Variants in PEX14 observed in about 807,000 individuals in gnomAD.
The protein encoded by PEX14 is peroxisomal biogenesis factor 14.
A neutral mutation model predicts 49.5 loss-of-function variants in PEX14; 15 were observed. The ratio of observed to expected loss-of-function variants is 0.30; its 90% CI spans 0.20 to 0.47. PEX14 has a LOEUF of 0.47. PEX14 is among the 20% of genes least tolerant of loss of function. PEX14 has a pLI of 1.00. For synonymous variants in PEX14, 210 were observed against 212.7 expected (o/e 0.99, Z 0.11); for missense variants, 398 against 494.8 (o/e 0.80, Z 1.86).
At chr1:10,555,642 AGTGTGTGTGT>A (rs56824548) in intron 3 of PEX14, among the ~76,000 whole-genome samples, 2 of 149,372 alleles carry the variant, frequency 1.3e-5, no homozygotes, top group Middle Eastern at 3.2e-3. Context: ...GCAAGGTGTG[AGTGTGTGTGT>A]GTGTGTGTGT....
At chr1:10,554,750 G>A (rs937602923) in intron 3 of PEX14, among the ~76,000 whole-genome samples, 6 of 151,068 alleles carry the variant, frequency 4.0e-5, no homozygotes, top group African/African-American at 1.5e-4. Flanking sequence ...GCCTCACACT[G>A]TCACCCAGGC....
chr1:10,557,618 A>G (rs559463308), intron 3 of PEX14, among the ~76,000 whole-genome samples: 1 of 152,304 alleles, frequency 6.6e-6, no homozygotes, highest in South Asian at 2.1e-4. Flanking sequence ...CAGAGCTGCT[A>G]ATCCTAGGTT....
intron 3 of PEX14, among the ~76,000 whole-genome samples, chr1:10,568,323 T>TCCC (rs58295618): frequency 2.5e-5 from 3 of 118,714 alleles, no homozygotes; most frequent in African/African-American, 7.6e-5. Flanking sequence ...TAGATACTCT[T>TCCC]CCCCCCCCCC....
At chr1:10,558,736 C>CAAA (rs34343338) in intron 3 of PEX14, among the ~76,000 whole-genome samples, 4,740 of 113,046 alleles carry the variant, frequency 0.042, 181 homozygotes, top group African/African-American at 0.11. Context: ...GACCCTGTCT[C>CAAA]AAAAAAAAAA....
Position 10,623,197 on chromosome 1 carries a change from CCTCT to C in PEX14, c.487+77_487+80del, listed in dbSNP as rs1417411196. 1.1e-5 allele frequency: 10 copies of C among 889,980 alleles called. No homozygotes were observed. The highest frequency in any genetic ancestry group is 3.3e-5 in the African/African-American group (2 of 61,192). 55.1% of individuals were successfully genotyped at this position (889,980 alleles called of 1,614,324 possible). On this transcript the variant is annotated intron_variant, in intron 6 of 8. Coordinates refer to ENST00000356607, the MANE Select transcript of PEX14 (RefSeq NM_004565.3). This position sits in a 1 kb window ranked among gnomAD's most constrained non-coding sequence, Gnocchi z 4.4. The stretch of plus-strand genomic sequence containing the variant: ...GCCCCTTCTCTGCCCCTCCCCTCTC[CCTCT>C]GTCTCCACTCTATGTGGTGACTTCA...
intron 3 of PEX14, among the ~76,000 whole-genome samples, chr1:10,571,250 A>C (rs896593740): frequency 4.0e-5 from 6 of 151,700 alleles, no homozygotes; most frequent in African/African-American, 7.3e-5. Context: ...TATGTTCCAG[A>C]TATTAACACC....
chr1:10,493,061 GAC>G (rs1382140240), intron 1 of PEX14, among the ~76,000 whole-genome samples: 3 of 152,182 alleles, frequency 2.0e-5, no homozygotes, highest in Non-Finnish European at 4.4e-5. Flanking sequence ...AAGGCGCAGT[GAC>G]AGAGAAAGCA....
chr1:10,475,028 G>A, intron 1 of PEX14, 26 bp downstream of exon 1: 1 of 1,599,542 alleles, frequency 6.3e-7, no homozygotes. Flanking sequence ...CTGCCCCGCT[G>A]TGCGGCGGAG....
At chr1:10,591,635 C>CTGTATGTG (rs1553194176) in intron 3 of PEX14, among the ~76,000 whole-genome samples, 3 of 139,648 alleles carry the variant, frequency 2.1e-5, no homozygotes, top group African/African-American at 8.1e-5. Flanking sequence ...GGTATACACA[C>CTGTATGTG]TGTGTGTGTG....
intron 3 of PEX14, among the ~76,000 whole-genome samples, chr1:10,551,585 C>T (rs770880096): frequency 1.3e-5 from 2 of 152,106 alleles, no homozygotes; most frequent in Non-Finnish European, 2.9e-5. Context: ...CATAATTACT[C>T]TGTTTGTTTT....
intron 3 of PEX14, among the ~76,000 whole-genome samples, chr1:10,558,828 G>T (rs905388566): frequency 7.2e-5 from 11 of 152,062 alleles, no homozygotes; most frequent in African/African-American, 2.7e-4. Flanking sequence ...CGGATGTGGG[G>T]TATCTTTCAA....
At chr1:10,499,985 G>A (rs948099320) in intron 2 of PEX14, among the ~76,000 whole-genome samples, 3 of 152,006 alleles carry the variant, frequency 2.0e-5, no homozygotes, top group Non-Finnish European at 4.4e-5. Context: ...TCTCAGTCCT[G>A]GGGAAGCTCA....
chr1:10,561,446 C>T (rs889881130), intron 3 of PEX14, among the ~76,000 whole-genome samples: 6 of 152,180 alleles, frequency 3.9e-5, no homozygotes, highest in Admixed American at 1.3e-4. Flanking sequence ...CTGCATTTGT[C>T]TCATTGTTTC....
chr1:10,585,608 G>A (rs184421414), intron 3 of PEX14, among the ~76,000 whole-genome samples: 2 of 152,346 alleles, frequency 1.3e-5, no homozygotes, highest in East Asian at 3.9e-4. Flanking sequence ...AGTAATACCA[G>A]ACAAGGTGGT....
At chr1:10,567,785 G>C (rs907921140) in intron 3 of PEX14, among the ~76,000 whole-genome samples, 4 of 152,112 alleles carry the variant, frequency 2.6e-5, no homozygotes, top group Non-Finnish European at 5.9e-5. Context: ...GTGAGCCACT[G>C]TACCTGGCCT....
At chr1:10,508,987 A>T (rs1268398086) in intron 2 of PEX14, among the ~76,000 whole-genome samples, 1 of 151,360 alleles carries the variant, frequency 6.6e-6, no homozygotes, top group Non-Finnish European at 1.5e-5. Context: ...CCCAGGCTAG[A>T]GTGCAGTGGT....
At chr1:10,610,766 T>C (rs1641257897) in intron 4 of PEX14, among the ~76,000 whole-genome samples, 1 of 152,180 alleles carries the variant, frequency 6.6e-6, no homozygotes, top group Non-Finnish European at 1.5e-5. Context: ...GTGCTGGGAT[T>C]ACAGGCATGA....
At chr1:10,612,370 G>A (rs915087116) in intron 4 of PEX14, among the ~76,000 whole-genome samples, 2 of 151,880 alleles carry the variant, frequency 1.3e-5, no homozygotes, top group African/African-American at 4.8e-5. Context: ...TTAATCTATG[G>A]ACAGGGGATA....
At chr1:10,568,840 A>G (rs970506149) in intron 3 of PEX14, among the ~76,000 whole-genome samples, 10 of 152,088 alleles carry the variant, frequency 6.6e-5, no homozygotes, top group Non-Finnish European at 1.3e-4. Context: ...CCTGGGTTCA[A>G]GTGATTCTCA....
Sources: allele counts gnomAD v4.1 joint callset (sites outside exome capture counted in the v4.1 genomes callset), GRCh38; gene constraint gnomAD v4.1.1; non-coding constraint Gnocchi (gnomAD v3.1); transcripts MANE v1.5; gene names NCBI Gene and HGNC (gene_info 2026-07-23, HGNC 2026-07-21).